HDAC8: variants seen among roughly 807,000 people sequenced by gnomAD.
HDAC8 encodes histone deacetylase 8, also known as histone deacetylase-like 1.
A neutral mutation model predicts 32.2 loss-of-function variants in HDAC8; 1 was observed. That is an observed-to-expected ratio of 0.03 (90% CI 0.01 to 0.15). HDAC8 has a LOEUF of 0.15. Ranked by LOEUF, HDAC8 falls within the 10% of genes least tolerant of loss-of-function variation. HDAC8 has a pLI of 1.00. For synonymous variants in HDAC8, 108 were observed against 113.9 expected (o/e 0.95, Z 0.33); for missense variants, 117 against 300.0 (o/e 0.39, Z 4.51).
chrX:72,560,758 C>T (rs922564644), intron 4 of HDAC8, among the ~76,000 whole-genome samples: 2 of 107,531 alleles, frequency 1.9e-5, no homozygotes, highest in Non-Finnish European at 3.8e-5. Flanking sequence ...TATCATGGCC[C>T]GAAGGTGAAC....
rs782221292 is a variant in HDAC8, at chrX:72,541,206, G to T, written c.437+26683C>A. 7.2e-4 allele frequency among the ~76,000 whole-genome samples: 79 copies of T among 109,360 alleles called. 1 individual carries two copies. Among genetic ancestry groups the T allele is most frequent in the Non-Finnish European group, 1.2e-3 (65 of 52,545 alleles). 95.0% of individuals were successfully genotyped at this position (109,360 alleles called of 115,157 possible). A position where few individuals can be genotyped will look rare whatever the true frequency, so the allele number is the denominator to read the frequency against. On this transcript the variant is annotated intron_variant, in intron 4 of 10. Coordinates refer to ENST00000373573, the MANE Select transcript of HDAC8 (RefSeq NM_018486.3). Reference sequence around the variant, plus strand: ...TTTTTTAAAAATGTGGTTAGGGAAGGCCTCAGTGAGAAAGTGTTATTTGAG... The same window carrying T: ...TTTTTTAAAAATGTGGTTAGGGAAGTCCTCAGTGAGAAAGTGTTATTTGAG...
intron 9 of HDAC8, among the ~76,000 whole-genome samples, chrX:72,430,618 T>C (rs192676577): frequency 8.9e-6 from 1 of 112,392 alleles, no homozygotes; most frequent in East Asian, 2.8e-4. Flanking sequence ...ACTTGAACAC[T>C]AGTTTATCTG....
chrX:72,409,283 T>G (rs1267963114), intron 9 of HDAC8, among the ~76,000 whole-genome samples: 1 of 111,745 alleles, frequency 8.9e-6, no homozygotes, highest in Non-Finnish European at 1.9e-5. Context: ...TCCCTCTGCC[T>G]TCACGTTGGT....
intron 9 of HDAC8, among the ~76,000 whole-genome samples, chrX:72,446,155 T>C (rs1314627829): frequency 1.8e-5 from 2 of 112,221 alleles, no homozygotes; most frequent in Non-Finnish European, 3.8e-5. Context: ...GAACTAGAAA[T>C]ACCATTTGAC....
At chrX:72,422,379 T>C (rs970270155) in intron 9 of HDAC8, among the ~76,000 whole-genome samples, 1 of 110,617 alleles carries the variant, frequency 9.0e-6, no homozygotes, top group Admixed American at 9.7e-5. Flanking sequence ...TTCCTGTCCC[T>C]CAGATTGGTT....
chrX:72,479,542 C>T (rs116350365), intron 7 of HDAC8, among the ~76,000 whole-genome samples: 2,211 of 111,895 alleles, frequency 0.02, 55 homozygotes, highest in African/African-American at 0.066. Context: ...CTCCAGGAGG[C>T]AGGGATCAGT....
intron 9 of HDAC8, among the ~76,000 whole-genome samples, chrX:72,401,247 AT>A (rs1349690409): frequency 1.8e-5 from 2 of 110,887 alleles, no homozygotes; most frequent in African/African-American, 6.6e-5. Context: ...TTATTTTTTT[AT>A]TTTTTGAGAT....
intron 9 of HDAC8, among the ~76,000 whole-genome samples, chrX:72,386,186 T>C (rs782641291): frequency 8.9e-6 from 1 of 112,037 alleles, no homozygotes; most frequent in East Asian, 2.8e-4. Flanking sequence ...CAACATTGAA[T>C]GTCTCTTCAC....
chrX:72,437,517 C>T (rs1458691800), intron 9 of HDAC8, among the ~76,000 whole-genome samples: 1 of 111,204 alleles, frequency 9.0e-6, no homozygotes, highest in Non-Finnish European at 1.9e-5. Context: ...GAAAAGGGGG[C>T]TGAAGTCAGG....
intron 4 of HDAC8, among the ~76,000 whole-genome samples, chrX:72,559,782 C>T (rs1487738956): frequency 9.3e-6 from 1 of 108,077 alleles, no homozygotes; most frequent in Non-Finnish European, 1.9e-5. Flanking sequence ...AGTGAAGAGC[C>T]CCTCCGCCCA....
At chrX:72,568,499 T>C (rs2051886488) in intron 3 of HDAC8, among the ~76,000 whole-genome samples, 1 of 112,515 alleles carries the variant, frequency 8.9e-6, no homozygotes, top group Admixed American at 9.4e-5. Context: ...TAAATCAGCA[T>C]ATACACAGCC....
chrX:72,437,444 G>GT (rs1353811660), intron 9 of HDAC8, among the ~76,000 whole-genome samples: 30 of 108,314 alleles, frequency 2.8e-4, no homozygotes, highest in Middle Eastern at 4.7e-3. Flanking sequence ...AGCTTCAGGA[G>GT]TTTTTTTTTT....
rs782753013 is a variant in HDAC8, at chrX:72,508,538, G to A, written c.438-13270C>T. 5.3e-5 allele frequency among the ~76,000 whole-genome samples: 6 copies of A among 112,610 alleles called. No individual in the cohort carries two copies. In the South Asian group the frequency reaches 1.5e-3, roughly 28 times the overall value. ...TAAATGTTTGTCCCCTCCAAAACTCGTGTTGAAACTTAAACACCAATATAA... is the reference window on the plus strand; with the variant it reads ...TAAATGTTTGTCCCCTCCAAAACTCATGTTGAAACTTAAACACCAATATAA... On this transcript the variant is annotated intron_variant, in intron 4 of 10. Coordinates refer to ENST00000373573, the MANE Select transcript of HDAC8 (RefSeq NM_018486.3).
At chrX:72,334,958 C>T (rs782287752) in intron 10 of HDAC8, among the ~76,000 whole-genome samples, 3 of 112,345 alleles carry the variant, frequency 2.7e-5, no homozygotes, top group Admixed American at 1.9e-4. Context: ...CGTGTCTACT[C>T]TGTGCCAGGT....
At chrX:72,543,575 G>A (rs888317313) in intron 4 of HDAC8, among the ~76,000 whole-genome samples, 2 of 111,611 alleles carry the variant, frequency 1.8e-5, no homozygotes, top group East Asian at 5.6e-4. Flanking sequence ...AGAGCCTGAA[G>A]GATACCTTGG....
intron 2 of HDAC8, among the ~76,000 whole-genome samples, chrX:72,570,924 T>TTTTG (rs10541191): frequency 8.9e-6 from 1 of 111,759 alleles, no homozygotes; most frequent in Non-Finnish European, 1.9e-5. Flanking sequence ...CTTTGGTCTT[T>TTTTG]TTTGTTTGTT....
At chrX:72,469,293 C>T (rs919161853) in intron 7 of HDAC8, among the ~76,000 whole-genome samples, 1 of 111,292 alleles carries the variant, frequency 9.0e-6, no homozygotes, top group African/African-American at 3.3e-5. Flanking sequence ...AAGCAGTCCT[C>T]CCACCTCAGC....
At chrX:72,350,583 AG>A (rs1555948484) in intron 10 of HDAC8, among the ~76,000 whole-genome samples, 1 of 112,354 alleles carries the variant, frequency 8.9e-6, no homozygotes, top group African/African-American at 3.2e-5. Flanking sequence ...TTAGGCAAAA[AG>A]ATACCCTTGG....
At chrX:72,343,202 C>T (rs1373081415) in intron 10 of HDAC8, among the ~76,000 whole-genome samples, 1 of 109,266 alleles carries the variant, frequency 9.2e-6, no homozygotes, top group Non-Finnish European at 1.9e-5. Flanking sequence ...CAGGGTCTCA[C>T]TCTATTGCCC....
Sources: gnomAD v4.1 joint callset for allele counts (sites outside exome capture counted in the v4.1 genomes callset) on GRCh38, gnomAD v4.1.1 for gene constraint, MANE v1.5 for transcripts, NCBI Gene and HGNC (gene_info 2026-07-23, HGNC 2026-07-21) for gene names.